Variants in MALRD1 observed in about 807,000 individuals in gnomAD.
MALRD1 encodes MAM and LDL receptor class A domain containing 1.
Under a neutral mutation model 242.1 loss-of-function variants are expected in MALRD1, and 247 were observed. The ratio of observed to expected loss-of-function variants is 1.02; its 90% CI spans 0.92 to 1.13. The LOEUF is 1.13. Ranked by LOEUF, MALRD1 falls within the 50% of genes most tolerant of loss-of-function variation. The pLI is 0.00. For missense variants in MALRD1, 2,989 were observed against 2,533.1 expected (o/e 1.18, Z -3.86); for synonymous variants, 995 against 866.6 (o/e 1.15, Z -2.60).
chr10:19,081,608 C>G (rs1835493788), intron 2 of MALRD1, among the ~76,000 whole-genome samples: 1 of 151,952 alleles, frequency 6.6e-6, no homozygotes, highest in Admixed American at 6.6e-5. Flanking sequence ...ACACTGGGAC[C>G]TGTCAGGAGG....
chr10:19,050,148 C>T (rs1377511988), intron 1 of MALRD1, among the ~76,000 whole-genome samples: 1 of 132,198 alleles, frequency 7.6e-6, no homozygotes, highest in Non-Finnish European at 1.5e-5. Context: ...AGTGCAGTGG[C>T]GGGATCTCGG....
In MALRD1 at chr10:19,233,591, G is replaced by GA. The variant is rs902754980; in HGVS notation, c.2991+23921dup. ...TTTTTTTTCCCAAAGCTTTTTCAAA[G>GA]AAAAAAAAAAGTAGAAACAAAGACA... On this transcript the variant is annotated intron_variant, in intron 18 of 39. Coordinates refer to ENST00000454679, the MANE Select transcript of MALRD1 (RefSeq NM_001142308.3). 3.3e-4 allele frequency among the ~76,000 whole-genome samples: 48 copies of GA among 145,940 alleles called. No homozygotes were observed. In the South Asian group the frequency reaches 6.9e-3, roughly 21 times the overall value.
intron 33 of MALRD1, among the ~76,000 whole-genome samples, chr10:19,588,153 T>G (rs1038663668): frequency 1.3e-5 from 2 of 152,274 alleles, no homozygotes; most frequent in Admixed American, 1.3e-4. Flanking sequence ...TTCGAAAATT[T>G]TTTTTTAAAG....
At position 19,493,713 on chromosome 10, in the gene MALRD1, C is replaced by T. The variant is rs548023970; in HGVS notation, c.5158+2068C>T. On this transcript the variant is annotated intron_variant, in intron 30 of 39. Transcript: ENST00000454679. ...CCTGTAATCCCAGCCACTTGGGAGG[C>T]TGAGGCAGAGAATTGCTTGAACCTG... Among the ~76,000 whole-genome samples the T allele has an allele frequency of 9.9e-5, 15 of 151,378 alleles. No individual in the cohort carries two copies. The South Asian group carries it at 3.1e-3, about 32-fold the overall frequency.
intron 28 of MALRD1, among the ~76,000 whole-genome samples, chr10:19,404,963 G>A (rs1473379159): frequency 6.6e-6 from 1 of 152,032 alleles, no homozygotes; most frequent in Non-Finnish European, 1.5e-5. Flanking sequence ...TCTTATAAAT[G>A]CATCCATGAA....
At chr10:19,258,537 G>T (rs756893220) in intron 19 of MALRD1, among the ~76,000 whole-genome samples, 2 of 152,090 alleles carry the variant, frequency 1.3e-5, no homozygotes, top group African/African-American at 4.8e-5. Flanking sequence ...CTCAATTGCC[G>T]AAAACGTAAC....
chr10:19,237,047 A>G (rs1388971641), intron 18 of MALRD1, among the ~76,000 whole-genome samples: 1 of 152,070 alleles, frequency 6.6e-6, no homozygotes, highest in Non-Finnish European at 1.5e-5. Context: ...ATACAATTTG[A>G]TGTTTCAATG....
intron 2 of MALRD1, among the ~76,000 whole-genome samples, chr10:19,083,724 T>A (rs930271515): frequency 6.6e-6 from 1 of 151,982 alleles, no homozygotes; most frequent in Non-Finnish European, 1.5e-5. Context: ...TTCACATGAA[T>A]GCAAGCTGCT....
intron 14 of MALRD1, among the ~76,000 whole-genome samples, chr10:19,186,403 G>T (rs1017852587): frequency 1.1e-4 from 16 of 152,264 alleles, no homozygotes; most frequent in Admixed American, 2.0e-4. Flanking sequence ...ACTGATCTCC[G>T]ATAAAGAAAA....
chr10:19,220,846 T>G (rs899874676), intron 18 of MALRD1, among the ~76,000 whole-genome samples: 5 of 152,200 alleles, frequency 3.3e-5, no homozygotes, highest in Admixed American at 2.6e-4. Context: ...ACTTGTGAAT[T>G]ATTTGGCACC....
intron 18 of MALRD1, among the ~76,000 whole-genome samples, chr10:19,228,813 A>T (rs1289728371): frequency 6.6e-6 from 1 of 152,122 alleles, no homozygotes; most frequent in Non-Finnish European, 1.5e-5. Context: ...TTCTTTTTTT[A>T]CTATAAAGGA....
chr10:19,697,848 T>G (rs532088579), intron 38 of MALRD1, among the ~76,000 whole-genome samples: 18 of 152,202 alleles, frequency 1.2e-4, no homozygotes, highest in Non-Finnish European at 2.5e-4. Context: ...TTTGTCCATC[T>G]TCTCTTAACC....
At chr10:19,641,828 C>G (rs527442896) in intron 36 of MALRD1, among the ~76,000 whole-genome samples, 2 of 152,118 alleles carry the variant, frequency 1.3e-5, no homozygotes, top group African/African-American at 4.8e-5. Context: ...CATGGCTTCC[C>G]CAGAGTGAAA....
At chr10:19,217,814 G>A (rs887580166) in intron 18 of MALRD1, among the ~76,000 whole-genome samples, 3 of 152,226 alleles carry the variant, frequency 2.0e-5, no homozygotes, top group Non-Finnish European at 2.9e-5. Context: ...ATGAGCCACC[G>A]CTCCCAATCA....
At chr10:19,558,615 C>G (rs966660119) in intron 32 of MALRD1, among the ~76,000 whole-genome samples, 5 of 152,240 alleles carry the variant, frequency 3.3e-5, no homozygotes, top group South Asian at 2.1e-4. Context: ...TTCTTTTCTT[C>G]CATTGCTGAA....
In MALRD1 at chr10:19,381,476, C is replaced by G. The variant is rs78637598; in HGVS notation, c.4442-6052C>G. On this transcript the variant is annotated intron_variant, in intron 26 of 39. Coordinates refer to ENST00000454679, the MANE Select transcript of MALRD1 (RefSeq NM_001142308.3). ...CCAAATGTCTTGTCTCTAAATAGCT[C>G]TCCTTTCAGATATATCATGTATTGC... 2.4e-3 allele frequency among the ~76,000 whole-genome samples: 368 copies of G among 152,092 alleles called. 4 individuals are homozygous for G. The highest frequency in any genetic ancestry group is 0.018 in the East Asian group (95 of 5,168).
chr10:19,188,887 G>A lies in MALRD1; in HGVS notation c.1951+13559G>A, dbSNP rs1257812766. Among the ~76,000 whole-genome samples the A allele has an allele frequency of 2.0e-5, 3 of 152,094 alleles. No individual in the cohort carries two copies. In the East Asian group the frequency reaches 5.8e-4, roughly 29 times the overall value. On this transcript the variant is annotated intron_variant, in intron 14 of 39. Transcript: ENST00000454679. ...GATGGTCAGAAGTGGGCAGATTCTG[G>A]ATCTATTTTGAAGGCAGGTAGAAGT...
intron 1 of MALRD1, among the ~76,000 whole-genome samples, chr10:19,060,992 A>C (rs768876551): frequency 7.2e-5 from 11 of 152,188 alleles, no homozygotes; most frequent in Non-Finnish European, 1.3e-4. Context: ...GCTGGAAGCC[A>C]TTATCCTCAG....
At chr10:19,712,869 AC>A (rs1311304185) in intron 38 of MALRD1, among the ~76,000 whole-genome samples, 1 of 152,206 alleles carries the variant, frequency 6.6e-6, no homozygotes. Flanking sequence ...ATAGAAGTCA[AC>A]CATGTAAGTC....
Sources: gnomAD v4.1 joint callset for allele counts (sites outside exome capture counted in the v4.1 genomes callset) on GRCh38, gnomAD v4.1.1 for gene constraint, MANE v1.5 for transcripts, NCBI Gene and HGNC (gene_info 2026-07-23, HGNC 2026-07-21) for gene names.